NRG1: variants seen among roughly 807,000 people sequenced by gnomAD.
NRG1 encodes neuregulin 1, also known as pro-neuregulin-1, membrane-bound isoform.
In NRG1, 18 loss-of-function variants were observed where a neutral mutation model predicts 63.8. That is an observed-to-expected ratio of 0.28 (90% confidence interval 0.19 to 0.42). The LOEUF (loss-of-function observed/expected upper bound fraction) is 0.42, where lower values mean the gene tolerates loss of function less well. Ranked by LOEUF, NRG1 falls within the 10% of genes least tolerant of loss-of-function variation. The pLI, the probability that NRG1 is intolerant of heterozygous loss-of-function variation, is 1.00. For missense variants in NRG1, 762 were observed against 814.7 expected (o/e 0.94, Z 0.79); for synonymous variants, 302 against 301.3 (o/e 1.00, Z -0.02).
chr8:32,240,346 G>A (rs1361815086), intron 1 of NRG1, among the ~76,000 whole-genome samples: 1 of 152,096 alleles, frequency 6.6e-6, no homozygotes, highest in African/African-American at 2.4e-5. Context: ...TAATATTCTT[G>A]AAATGACAAA....
intron 1 of NRG1, among the ~76,000 whole-genome samples, chr8:32,369,072 A>G (rs1438475740): frequency 6.6e-6 from 1 of 152,222 alleles, no homozygotes; most frequent in Non-Finnish European, 1.5e-5. Flanking sequence ...CTATTTTGGA[A>G]ACCGTCAGGG....
intron 8 of NRG1, among the ~76,000 whole-genome samples, 177 bp from the exon 9 acceptor site, chr8:32,756,226 T>A (rs549952159): frequency 6.6e-6 from 1 of 152,192 alleles, no homozygotes; most frequent in African/African-American, 2.4e-5. Flanking sequence ...AAAATCTGTT[T>A]GGTAAGGATG....
At chr8:32,164,648 C>A (rs1340017299) in intron 1 of NRG1, among the ~76,000 whole-genome samples, 1 of 152,096 alleles carries the variant, frequency 6.6e-6, no homozygotes, top group Non-Finnish European at 1.5e-5. Context: ...ATCATTATTC[C>A]ATAAAAAGAG....
intron 1 of NRG1, among the ~76,000 whole-genome samples, chr8:31,904,435 C>A (rs1333267083): frequency 3.3e-5 from 5 of 152,192 alleles, no homozygotes; most frequent in African/African-American, 7.2e-5. Flanking sequence ...TACAAATTCA[C>A]TGCTGCTTGG....
chr8:32,379,283 T>C (rs1810040154), intron 1 of NRG1, among the ~76,000 whole-genome samples: 2 of 152,130 alleles, frequency 1.3e-5, no homozygotes, highest in Non-Finnish European at 2.9e-5. Flanking sequence ...GATACTACTC[T>C]GAAATATGTA....
intron 1 of NRG1, among the ~76,000 whole-genome samples, chr8:31,869,830 C>G (rs1219455683): frequency 6.6e-6 from 1 of 152,168 alleles, no homozygotes; most frequent in Non-Finnish European, 1.5e-5. Context: ...TTTCAGTATG[C>G]ATTGAACATG....
intron 1 of NRG1, among the ~76,000 whole-genome samples, chr8:31,982,706 T>A (rs1350295746): frequency 6.6e-6 from 1 of 151,940 alleles, no homozygotes; most frequent in African/African-American, 2.4e-5. Flanking sequence ...AGATGTGGAG[T>A]CCAGAGAAGT....
At chr8:32,636,646 A>G (rs1338285954) in intron 5 of NRG1, among the ~76,000 whole-genome samples, 1 of 152,188 alleles carries the variant, frequency 6.6e-6, no homozygotes, top group Non-Finnish European at 1.5e-5. Context: ...TAGATGTTCT[A>G]ATTCCCCAGG....
intron 1 of NRG1, among the ~76,000 whole-genome samples, chr8:32,316,881 A>G (rs1857462675): frequency 1.3e-5 from 2 of 152,226 alleles, no homozygotes; most frequent in South Asian, 4.1e-4. Context: ...ATAGTACTTG[A>G]AAGGGACCGT....
At chr8:31,676,789 A>G (rs1410794108) in intron 1 of NRG1, among the ~76,000 whole-genome samples, 1 of 152,196 alleles carries the variant, frequency 6.6e-6, no homozygotes, top group East Asian at 1.9e-4. Flanking sequence ...TCTTTGGGGA[A>G]ATTACTTTCC....
chr8:31,985,807 A>T (rs2129631549), intron 1 of NRG1, among the ~76,000 whole-genome samples: 1 of 152,180 alleles, frequency 6.6e-6, no homozygotes, highest in Admixed American at 6.5e-5. Flanking sequence ...TAATTGCAGT[A>T]TTTATATTGT....
intron 1 of NRG1, among the ~76,000 whole-genome samples, chr8:31,699,800 G>T (rs552181067): frequency 5.1e-4 from 78 of 152,212 alleles, no homozygotes; most frequent in African/African-American, 1.8e-3. Flanking sequence ...GAGAGAAAAA[G>T]GGACCCTGGG....
chr8:32,540,222 G>T (rs937880460), intron 1 of NRG1, among the ~76,000 whole-genome samples: 5 of 152,182 alleles, frequency 3.3e-5, no homozygotes, highest in African/African-American at 1.2e-4. Flanking sequence ...TTTAATAAAA[G>T]TTTCTTAGGG....
intron 1 of NRG1, among the ~76,000 whole-genome samples, chr8:32,293,718 C>CTTTTTTTTTTTTTT (rs770993591): frequency 9.2e-6 from 1 of 108,278 alleles, no homozygotes; most frequent in Non-Finnish European, 1.9e-5. Context: ...TTTTCTTCTT[C>CTTTTTTTTTTTTTT]TTTTTTTTTT....
At chr8:31,813,551 T>C (rs545693717) in intron 1 of NRG1, among the ~76,000 whole-genome samples, 1 of 139,512 alleles carries the variant, frequency 7.2e-6, no homozygotes, top group Non-Finnish European at 1.6e-5. Context: ...GAGACAGGTC[T>C]CCCTCTGTCT....
At chr8:32,762,473 C>T (rs1415372901) in intron 11 of NRG1, among the ~76,000 whole-genome samples, 1 of 152,094 alleles carries the variant, frequency 6.6e-6, no homozygotes, top group African/African-American at 2.4e-5. Flanking sequence ...TAGCATTTCT[C>T]AGAGAGCTTA....
intron 1 of NRG1, among the ~76,000 whole-genome samples, chr8:32,299,498 T>G (rs893521001): frequency 6.6e-6 from 1 of 152,138 alleles, no homozygotes; most frequent in Non-Finnish European, 1.5e-5. Flanking sequence ...GAGCAATTCC[T>G]GGGCAGATGA....
intron 1 of NRG1, among the ~76,000 whole-genome samples, chr8:31,852,804 A>T (rs1827391120): frequency 1.3e-5 from 2 of 152,276 alleles, no homozygotes; most frequent in African/African-American, 4.8e-5. Context: ...TAAGGAAGGG[A>T]TCCAGTTTCA....
chr8:31,639,295 C>T, exon 1 of NRG1: 1 of 1,437,634 alleles, frequency 7.0e-7, no homozygotes, highest in Non-Finnish European at 9.4e-7. Context: ...CGCCCGTCCT[C>T]CCATTGCAGC....
Sources: allele counts gnomAD v4.1 joint callset (sites outside exome capture counted in the v4.1 genomes callset), GRCh38; gene constraint gnomAD v4.1.1; transcripts MANE v1.5; gene names NCBI Gene and HGNC (gene_info 2026-07-23, HGNC 2026-07-21).